The following C13orf42 variants were observed in gnomAD, a reference collection of about 807,000 sequenced individuals.
The protein encoded by C13orf42 is chromosome 13 open reading frame 42.
chr13:51,109,160 T>C (rs1241981995), intron 1 of C13orf42, among the ~76,000 whole-genome samples: 1 of 152,220 alleles, frequency 6.6e-6, no homozygotes, highest in African/African-American at 2.4e-5. Context: ...AGGACCCTTT[T>C]TTATGGGCCC....
In C13orf42 at chr13:51,082,696, G is replaced by C. The variant is rs1046180647; in HGVS notation, c.*1455C>G. ...CATTTACTTTCCAGTCAAGCTTCTG[G>C]CTATAGCTGGGTTAGTACAAGCAAC... On this transcript the variant is annotated 3_prime_UTR_variant, in exon 4 of 4. Coordinates refer to ENST00000563710, the MANE Select transcript of C13orf42 (RefSeq NM_001351589.3). 1.1e-4 allele frequency: 16 copies of C among 152,168 alleles called. No individual in the cohort carries two copies. Among genetic ancestry groups the C allele is most frequent in the African/African-American group, 3.9e-4 (16 of 41,420 alleles). The allele number at this position is 152,168 out of a possible 1,614,324, so 9.4% of individuals were successfully genotyped here.
At chr13:51,171,616 A>G (rs956705032) in intron 1 of C13orf42, among the ~76,000 whole-genome samples, 1 of 151,868 alleles carries the variant, frequency 6.6e-6, no homozygotes, top group Non-Finnish European at 1.5e-5. Flanking sequence ...TAATCTTTTT[A>G]TCACCTCCCC....
At chr13:51,128,952 C>A (rs1261353059) in intron 1 of C13orf42, among the ~76,000 whole-genome samples, 1 of 152,132 alleles carries the variant, frequency 6.6e-6, no homozygotes, top group Non-Finnish European at 1.5e-5. Context: ...TTTACCCTAC[C>A]TCCATTAACT....
chr13:51,125,313 C>T (rs917893447), intron 1 of C13orf42, among the ~76,000 whole-genome samples: 2 of 152,308 alleles, frequency 1.3e-5, no homozygotes, highest in African/African-American at 4.8e-5. Flanking sequence ...TTGCCCCTTT[C>T]AGCAAAGCAT....
intron 1 of C13orf42, among the ~76,000 whole-genome samples, chr13:51,089,344 A>G (rs1953159926): frequency 7.2e-5 from 11 of 152,152 alleles, no homozygotes. Context: ...ATACACCTTG[A>G]TATGATTTGG....
rs529536063 is a variant in C13orf42, at chr13:51,099,102, C to T, written c.415-11027G>A. Among the ~76,000 whole-genome samples the T allele has an allele frequency of 5.7e-4, 86 of 152,054 alleles. 1 individual carries two copies. Among genetic ancestry groups the T allele is most frequent in the Admixed American group, 5.0e-3 (77 of 15,260 alleles). On this transcript the variant is annotated intron_variant, in intron 1 of 3. Transcript: ENST00000563710. ...AAATAAGGTTTTTCTGGTTTTAAACCTTAAAAGTTTCATCTAGTGCCTCTT... is the reference window on the plus strand; with the variant it reads ...AAATAAGGTTTTTCTGGTTTTAAACTTTAAAAGTTTCATCTAGTGCCTCTT...
chr13:51,103,674 G>A (rs1034242880), intron 1 of C13orf42, among the ~76,000 whole-genome samples: 14 of 150,592 alleles, frequency 9.3e-5, no homozygotes, highest in African/African-American at 2.7e-4. Context: ...GCATACCAGC[G>A]CGGGCCACAG....
intron 1 of C13orf42, among the ~76,000 whole-genome samples, chr13:51,098,609 C>A (rs938597332): frequency 6.6e-6 from 1 of 152,160 alleles, no homozygotes; most frequent in South Asian, 2.1e-4. Flanking sequence ...ATATGACATA[C>A]CCCTACTGAT....
intron 1 of C13orf42, among the ~76,000 whole-genome samples, chr13:51,156,684 C>T (rs1953826441): frequency 2.0e-5 from 3 of 152,182 alleles, no homozygotes; most frequent in Admixed American, 1.3e-4. Flanking sequence ...TGGAAAAAAT[C>T]GGTATCTACA....
intron 1 of C13orf42, among the ~76,000 whole-genome samples, chr13:51,144,672 T>A (rs1377824632): frequency 6.6e-6 from 1 of 152,236 alleles, no homozygotes; most frequent in South Asian, 2.1e-4. Context: ...CTATACAGGG[T>A]TTGTGACCTG....
chr13:51,141,348 A>C (rs1593549544), intron 1 of C13orf42, among the ~76,000 whole-genome samples: 1 of 151,656 alleles, frequency 6.6e-6, no homozygotes, highest in East Asian at 1.9e-4. Flanking sequence ...TAGTTTAGAC[A>C]CTCAGAAGTG....
intron 1 of C13orf42, among the ~76,000 whole-genome samples, chr13:51,154,744 C>T (rs1412825857): frequency 6.6e-6 from 1 of 152,218 alleles, no homozygotes; most frequent in African/African-American, 2.4e-5. Context: ...ACGTGCCAGA[C>T]CTCGTTGAAG....
intron 1 of C13orf42, among the ~76,000 whole-genome samples, chr13:51,153,280 C>T (rs556597759): frequency 7.0e-4 from 106 of 152,164 alleles, no homozygotes; most frequent in Non-Finnish European, 4.0e-4. Context: ...CAACCACTGC[C>T]CCCTTTTCCT....
intron 1 of C13orf42, among the ~76,000 whole-genome samples, chr13:51,130,410 G>C (rs1158162305): frequency 6.6e-6 from 1 of 152,170 alleles, no homozygotes; most frequent in Non-Finnish European, 1.5e-5. Flanking sequence ...AAAGGATTTT[G>C]TATGGTAAAT....
At chr13:51,146,924 C>A (rs940866465) in intron 1 of C13orf42, among the ~76,000 whole-genome samples, 1 of 152,330 alleles carries the variant, frequency 6.6e-6, no homozygotes, top group South Asian at 2.1e-4. Flanking sequence ...GCACCCATCA[C>A]CAAACCAGGT....
intron 1 of C13orf42, among the ~76,000 whole-genome samples, chr13:51,154,933 C>T (rs192366909): frequency 1.1e-3 from 162 of 152,214 alleles, no homozygotes; most frequent in African/African-American, 3.1e-3. Flanking sequence ...TTTTAAGGGG[C>T]CGGTAAGGTA....
At chr13:51,170,479 T>G (rs1953939670) in intron 1 of C13orf42, among the ~76,000 whole-genome samples, 2 of 152,154 alleles carry the variant, frequency 1.3e-5, no homozygotes, top group South Asian at 2.1e-4. Context: ...GGCCTCTTTT[T>G]ACTCTCTTCT....
At chr13:51,127,658 T>C (rs1273012374) in intron 1 of C13orf42, among the ~76,000 whole-genome samples, 1 of 152,212 alleles carries the variant, frequency 6.6e-6, no homozygotes, top group Admixed American at 6.5e-5. Context: ...TTTTGAAATA[T>C]GTTAATAATT....
At chr13:51,105,129 G>A (rs1421559624) in intron 1 of C13orf42, among the ~76,000 whole-genome samples, 1 of 152,218 alleles carries the variant, frequency 6.6e-6, no homozygotes, top group Non-Finnish European at 1.5e-5. Context: ...TGGGAAGGGT[G>A]TGTGATGTAT....
Sources: gnomAD v4.1 joint callset for allele counts (sites outside exome capture counted in the v4.1 genomes callset) on GRCh38, gnomAD v4.1.1 for gene constraint, MANE v1.5 for transcripts, NCBI Gene and HGNC (gene_info 2026-07-23, HGNC 2026-07-21) for gene names.